Variants in CTNNA3 observed in about 807,000 individuals in gnomAD.
CTNNA3 encodes catenin alpha 3.
A neutral mutation model predicts 95.7 loss-of-function variants in CTNNA3; 76 were observed. The ratio of observed to expected loss-of-function variants is 0.79; its 90% CI spans 0.66 to 0.96. CTNNA3 has a LOEUF of 0.96. CTNNA3 is among the 40% of genes least tolerant of loss of function. The pLI is 0.00. For missense variants in CTNNA3, 1,191 were observed against 1,089.8 expected (o/e 1.09, Z -1.31); for synonymous variants, 431 against 374.4 (o/e 1.15, Z -1.74).
intron 13 of CTNNA3, among the ~76,000 whole-genome samples, chr10:66,188,032 C>A (rs1242700859): frequency 6.6e-6 from 1 of 151,884 alleles, no homozygotes; most frequent in African/African-American, 2.4e-5. Context: ...AATAAAGAGA[C>A]AGAAAATATA....
At chr10:66,310,038 C>T (rs748527657) in intron 12 of CTNNA3, among the ~76,000 whole-genome samples, 5 of 151,130 alleles carry the variant, frequency 3.3e-5, no homozygotes, top group Non-Finnish European at 5.9e-5. Flanking sequence ...GCAGGAGAAT[C>T]ACTTGAACCT....
At chr10:67,327,921 T>G (rs1279301770) in intron 5 of CTNNA3, among the ~76,000 whole-genome samples, 1 of 152,148 alleles carries the variant, frequency 6.6e-6, no homozygotes, top group Non-Finnish European at 1.5e-5. Flanking sequence ...TATAGGTCTC[T>G]GTGCCTCGCA....
chr10:67,474,905 T>C (rs183456699), intron 5 of CTNNA3, among the ~76,000 whole-genome samples: 1 of 152,326 alleles, frequency 6.6e-6, no homozygotes, highest in Non-Finnish European at 1.5e-5. Context: ...CCATATGACC[T>C]AGAAATCCTA....
intron 5 of CTNNA3, among the ~76,000 whole-genome samples, chr10:67,247,847 AT>A (rs1865960145): frequency 6.6e-6 from 1 of 152,224 alleles, no homozygotes; most frequent in African/African-American, 2.4e-5. Context: ...AACATTAATA[AT>A]TCTTTTAAAA....
intron 7 of CTNNA3, among the ~76,000 whole-genome samples, chr10:67,083,837 C>T (rs1398037572): frequency 5.3e-5 from 8 of 151,990 alleles, no homozygotes; most frequent in African/African-American, 1.9e-4. Context: ...GATTTACTTG[C>T]AAAAGCTACA....
intron 7 of CTNNA3, among the ~76,000 whole-genome samples, chr10:66,913,434 C>T (rs1241881641): frequency 6.6e-6 from 1 of 152,066 alleles, no homozygotes; most frequent in Non-Finnish European, 1.5e-5. Flanking sequence ...GGCATCCTTC[C>T]AGTATCATCT....
intron 1 of CTNNA3, among the ~76,000 whole-genome samples, chr10:67,660,653 C>A (rs1460547232): frequency 6.6e-6 from 1 of 152,032 alleles, no homozygotes; most frequent in African/African-American, 2.4e-5. Flanking sequence ...CGAATTAAGT[C>A]CGGGCGCAGT....
chr10:66,482,445 C>A (rs1305558641), intron 11 of CTNNA3, among the ~76,000 whole-genome samples: 1 of 152,086 alleles, frequency 6.6e-6, no homozygotes, highest in African/African-American at 2.4e-5. Flanking sequence ...TTTTTACAGA[C>A]ATTGGATAGA....
chr10:67,623,792 C>A (rs1843930246), intron 2 of CTNNA3, among the ~76,000 whole-genome samples: 1 of 152,018 alleles, frequency 6.6e-6, no homozygotes, highest in South Asian at 2.1e-4. Flanking sequence ...AATTTCACCC[C>A]AAAATATGGT....
chr10:66,392,383 T>C (rs1274735457), intron 11 of CTNNA3, among the ~76,000 whole-genome samples: 1 of 151,914 alleles, frequency 6.6e-6, no homozygotes, highest in Non-Finnish European at 1.5e-5. Context: ...TGAGCAGAGA[T>C]CGCTCCACTG....
chr10:67,294,599 A>G (rs1347178803), intron 5 of CTNNA3, among the ~76,000 whole-genome samples: 1 of 152,164 alleles, frequency 6.6e-6, no homozygotes, highest in Non-Finnish European at 1.5e-5. Flanking sequence ...AACTTGCACC[A>G]AGGAAAGGAA....
rs527609790 is a variant in CTNNA3, at chr10:66,532,175, A to C, written c.1375-11402T>G. ...GAGGTTGGCAAAAGTTAAAAAGAAA[A>C]AACAAGGCCTGGCGCAGTGGCTCAC... On this transcript the variant is annotated intron_variant, in intron 10 of 17. Transcript: ENST00000433211. 3.9e-5 allele frequency among the ~76,000 whole-genome samples: 6 copies of C among 152,232 alleles called. No homozygotes were observed. In the South Asian group the frequency reaches 1.0e-3, roughly 26 times the overall value.
chr10:66,168,041 A>G (rs2131823556), intron 13 of CTNNA3, among the ~76,000 whole-genome samples: 1 of 152,290 alleles, frequency 6.6e-6, no homozygotes, highest in South Asian at 2.1e-4. Flanking sequence ...TTGGAGATCT[A>G]AGAGGTGCAT....
At chr10:66,482,277 T>A (rs1045152353) in intron 11 of CTNNA3, among the ~76,000 whole-genome samples, 3 of 152,182 alleles carry the variant, frequency 2.0e-5, no homozygotes, top group Non-Finnish European at 4.4e-5. Context: ...CACGAAATTC[T>A]GACTGAAAAC....
chr10:66,837,527 C>T (rs1468008596), intron 7 of CTNNA3: 1 of 152,164 alleles, frequency 6.6e-6, no homozygotes, highest in Non-Finnish European at 1.5e-5. Flanking sequence ...CTTGAGAAGT[C>T]TCTCTTGTTG....
chr10:66,794,767 A>G (rs1292625972), intron 7 of CTNNA3, among the ~76,000 whole-genome samples: 4 of 152,068 alleles, frequency 2.6e-5, no homozygotes, highest in Admixed American at 2.6e-4. Flanking sequence ...ACTGGAGTCA[A>G]TCCTCTCAAA....
intron 7 of CTNNA3, among the ~76,000 whole-genome samples, chr10:66,793,182 G>A (rs1214561232): frequency 6.6e-6 from 1 of 152,084 alleles, no homozygotes; most frequent in African/African-American, 2.4e-5. Context: ...TCTTCACTCT[G>A]TCACCCAGAC....
chr10:67,332,051 A>G (rs898905515), intron 5 of CTNNA3, among the ~76,000 whole-genome samples: 3 of 152,236 alleles, frequency 2.0e-5, no homozygotes, highest in Non-Finnish European at 4.4e-5. Context: ...AGAAAGAATG[A>G]AAAACCTAAT....
intron 7 of CTNNA3, among the ~76,000 whole-genome samples, chr10:67,123,863 A>G (rs1298792023): frequency 6.6e-6 from 1 of 152,194 alleles, no homozygotes; most frequent in Non-Finnish European, 1.5e-5. Context: ...ACTGTTTCCA[A>G]TACTACAAAT....
Sources: allele counts gnomAD v4.1 joint callset (sites outside exome capture counted in the v4.1 genomes callset), GRCh38; gene constraint gnomAD v4.1.1; transcripts MANE v1.5; gene names NCBI Gene and HGNC (gene_info 2026-07-23, HGNC 2026-07-21).